Variants in POP1 observed in about 807,000 individuals in gnomAD.
The protein encoded by POP1 is ribonucleases P/MRP protein subunit POP1.
In POP1, 75 loss-of-function variants were observed where a neutral mutation model predicts 102.2. The observed-to-expected ratio is 0.73, with a 90% CI of 0.61 to 0.89. The LOEUF (loss-of-function observed/expected upper bound fraction) is 0.89. POP1 is among the 40% of genes least tolerant of loss of function. The pLI is 0.00. For missense variants in POP1, 1,116 were observed against 1,267.4 expected, an observed-to-expected ratio of 0.88 and a Z score of 1.81; for synonymous variants, 436 against 464.1, an observed-to-expected ratio of 0.94 and a Z score of 0.78.
chr8:98,136,633 A>G lies in POP1; in HGVS notation c.1163A>G (p.Asp388Gly). Residue 388 changes from aspartate to glycine, a missense_variant, in exon 8 of 16, where the codon GAT (aspartate) becomes GGT (glycine). Asp to Gly is a moderately conservative substitution (Grantham distance 94). Transcript: ENST00000401707. ...ATTGGCAAGAAAAGAAAAAGGAAAG[A>G]TGATGGAGAAAATGCTAAACCAATT... is the stretch of plus-strand genomic sequence containing the variant. ...EKIGKKRKRK[D>G]DGENAKPIKK... The G allele has an allele frequency of 6.2e-7, 1 of 1,614,042 alleles. No homozygotes were observed. Among genetic ancestry groups the G allele is most frequent in the Non-Finnish European group, 8.5e-7 (1 of 1,179,930 alleles).
In POP1 at chr8:98,141,820, A is replaced by G. The variant is rs554902189; in HGVS notation, c.1594+932A>G. 1.7e-4 allele frequency among the ~76,000 whole-genome samples: 25 copies of G among 150,226 alleles called. No individual in the cohort carries two copies. In the South Asian group the frequency reaches 4.9e-3, roughly 29 times the overall value. ...TGACCTCAGGTGATCCACCCACTTC[A>G]GCCTCCCAAAGTGCTGGGATTACAG... On this transcript the variant is annotated intron_variant, in intron 11 of 15. Coordinates refer to ENST00000401707, the MANE Select transcript of POP1 (RefSeq NM_001145860.2).
At chr8:98,122,905 A>C (rs1028368084) in intron 1 of POP1, among the ~76,000 whole-genome samples, 6 of 152,188 alleles carry the variant, frequency 3.9e-5, no homozygotes, top group Non-Finnish European at 8.8e-5. Context: ...TCTTGCTTCA[A>C]ATTGAAATCA....
At position 98,157,818 on chromosome 8, in the gene POP1, G is replaced by T. The variant is rs982235449; in HGVS notation, c.2622G>T (p.Met874Ile). The change falls in exon 16 of 16, where the codon ATG becomes ATT. Residue 874 changes from methionine (M) to isoleucine (I), a missense_variant. Transcript: ENST00000401707. Reference protein sequence around the residue: ...LSKGSPEPHTMICVPAKEDFL... With the variant: ...LSKGSPEPHTIICVPAKEDFL... Reference sequence around the variant, plus strand: ...AGGGCAGCCCCGAGCCTCACACCATGATCTGTGTCCCAGCCAAGGAGGACT... The same window carrying T: ...AGGGCAGCCCCGAGCCTCACACCATTATCTGTGTCCCAGCCAAGGAGGACT... 2 of 1,614,230 alleles carry T rather than the reference G, an allele frequency of 1.2e-6. No individual in the cohort carries two copies. Among genetic ancestry groups the T allele is most frequent in the Non-Finnish European group, 1.7e-6 (2 of 1,180,042 alleles).
chr8:98,136,712 C>A lies in POP1; in HGVS notation c.1242C>A (p.Ile414=). Reference sequence around the variant, plus strand: ...ATCCATGTCTACCATACTCTTGGATCTCTCCAACCACAGGCATTATAATCA... The same window carrying A: ...ATCCATGTCTACCATACTCTTGGATATCTCCAACCACAGGCATTATAATCA... ...TRDPCLPYSW[I]SPTTGIIISD... is the part of the protein sequence containing the mutation. The change falls in exon 8 of 16, where the codon ATC becomes ATA. Residue 414 remains isoleucine (I), a synonymous_variant. Transcript: ENST00000401707. The A allele has an allele frequency of 6.2e-7, 1 of 1,613,958 alleles. No individual in the cohort carries two copies. The highest frequency in any genetic ancestry group is 8.5e-7 in the Non-Finnish European group (1 of 1,179,804).
chr8:98,143,618 C>T (rs62522189), intron 11 of POP1, among the ~76,000 whole-genome samples: 19,286 of 152,064 alleles, frequency 0.13, 1,328 homozygotes, highest in Middle Eastern at 0.26. Flanking sequence ...TATACTCTTA[C>T]CGATTTTGAC....
intron 14 of POP1, among the ~76,000 whole-genome samples, chr8:98,151,270 C>T (rs556735632): frequency 5.3e-5 from 8 of 152,004 alleles, no homozygotes; most frequent in South Asian, 2.1e-4. Context: ...TCTGTAGAGA[C>T]GGGGTTTCAC....
rs1468083394 is a variant in POP1 at position 98,117,398 on chromosome 8, G to A, written c.-3+8G>A. ...CCTCACAGCGTCTGGCAGGTTGGTCGTGAGGGGCTGGTGCCTTCCAGGATG... is the reference window on the plus strand; with the variant it reads ...CCTCACAGCGTCTGGCAGGTTGGTCATGAGGGGCTGGTGCCTTCCAGGATG... On this transcript the variant is annotated splice_region_variant and intron_variant, in intron 1 of 15. Coordinates refer to ENST00000401707, the MANE Select transcript of POP1 (RefSeq NM_001145860.2). 4.9e-6 allele frequency: 2 copies of A among 411,092 alleles called. No individual in the cohort carries two copies. Among genetic ancestry groups the A allele is most frequent in the Non-Finnish European group, 9.0e-6 (2 of 222,272 alleles). The allele number at this position is 411,092 out of a possible 1,614,324, so 25.5% of individuals were successfully genotyped here. A position where few individuals can be genotyped will look rare whatever the true frequency, so the allele number is the denominator to read the frequency against.
chr8:98,121,928 G>T (rs1335326355), intron 1 of POP1, among the ~76,000 whole-genome samples: 3 of 151,804 alleles, frequency 2.0e-5, no homozygotes, highest in African/African-American at 7.3e-5. Context: ...CTCATGATCC[G>T]CCCGCCTCAG....
Position 98,158,054 on chromosome 8 carries a change from C to T in POP1, c.2858C>T (p.Pro953Leu), listed in dbSNP as rs761103255. ...CTAGGGCTGTGGTCAGGCCCTCTGCCGCGTGTGACGTTGCACTGCTCCAGA... is the reference window on the plus strand; with the variant it reads ...CTAGGGCTGTGGTCAGGCCCTCTGCTGCGTGTGACGTTGCACTGCTCCAGA... ...LTLGLWSGPLPRVTLHCSRTL... is the reference protein window; with the variant it reads ...LTLGLWSGPLLRVTLHCSRTL... The change falls in exon 16 of 16, where the codon CCG becomes CTG. Residue 953 changes from proline to leucine, a missense_variant. Physicochemically the swap from Pro to Leu is moderately conservative, Grantham distance 98. Transcript: ENST00000401707. 24 of 1,609,712 alleles carry T rather than the reference C, an allele frequency of 1.5e-5. No individual in the cohort carries two copies. The highest frequency in any genetic ancestry group is 1.5e-4 in the African/African-American group (11 of 74,878).
chr8:98,146,520 C>T, intron 11 of POP1, 48 bp from the exon 12 acceptor site: 1 of 1,360,760 alleles, frequency 7.3e-7, no homozygotes, highest in Non-Finnish European at 1.1e-6. Context: ...AGTTTGACTT[C>T]ATTGATCTGA....
intron 11 of POP1, among the ~76,000 whole-genome samples, chr8:98,145,277 A>G (rs180833057): frequency 6.0e-4 from 91 of 152,264 alleles, no homozygotes; most frequent in African/African-American, 2.1e-3. Flanking sequence ...CTGTCACACT[A>G]TGGCCCAGTT....
Position 98,158,129 on chromosome 8 carries a change from G to C in POP1, c.2933G>C (p.Cys978Ser), listed in dbSNP as rs1489471731. 1.9e-6 allele frequency: 3 copies of C among 1,607,224 alleles called. No homozygotes were observed. The highest frequency in any genetic ancestry group is 4.5e-5 in the East Asian group (2 of 44,810). ...TQGDFSMAVGCGEALGFVSLT... is the reference protein window; with the variant it reads ...TQGDFSMAVGSGEALGFVSLT... ...GGAGATTTTTCCATGGCTGTTGGCT[G>C]TGGAGAAGCCCTGGGGTTTGTTAGC... Residue 978 changes from cysteine to serine, a missense_variant, in exon 16 of 16, where the codon TGT (cysteine) becomes TCT (serine). Transcript: ENST00000401707.
chr8:98,152,091 A>T (rs976068984), intron 14 of POP1, among the ~76,000 whole-genome samples: 1 of 152,158 alleles, frequency 6.6e-6, no homozygotes, highest in African/African-American at 2.4e-5. Flanking sequence ...CTAGTGATGT[A>T]TTCCTGGATT....
intron 1 of POP1, chr8:98,118,012 T>C (rs1279243790): frequency 6.7e-6 from 1 of 150,368 alleles, no homozygotes; most frequent in Non-Finnish European, 1.5e-5. Context: ...GGCACTCTGC[T>C]AGATGCTAGG....
At chr8:98,137,836 T>C (rs1816591461) in intron 9 of POP1, among the ~76,000 whole-genome samples, 2 of 152,218 alleles carry the variant, frequency 1.3e-5, no homozygotes, top group African/African-American at 4.8e-5. Context: ...TATTGGCAAG[T>C]GGCTAGCATA....
At chr8:98,118,545 C>T (rs1302578351) in intron 1 of POP1, among the ~76,000 whole-genome samples, 1 of 152,142 alleles carries the variant, frequency 6.6e-6, no homozygotes, top group Non-Finnish European at 1.5e-5. Context: ...CCAGCCTGAG[C>T]ATCTCAAGTA....
intron 11 of POP1, among the ~76,000 whole-genome samples, chr8:98,143,353 A>T (rs918055117): frequency 1.2e-4 from 18 of 152,230 alleles, no homozygotes; most frequent in African/African-American, 4.1e-4. Flanking sequence ...TTGTAAATAG[A>T]CTTTATTATT....
At position 98,130,024 on chromosome 8, in the gene POP1, G is replaced by A; in HGVS notation, c.533G>A (p.Cys178Tyr). 6.2e-7 allele frequency: 1 copy of A among 1,613,968 alleles called. No homozygotes were observed. The highest frequency in any genetic ancestry group is 8.5e-7 in the Non-Finnish European group (1 of 1,179,874). ...AAAAAAGAACATTCAAAAAATAAATGCCATAAAGCTCGAAGATGTCACATG... is the reference window on the plus strand; with the variant it reads ...AAAAAAGAACATTCAAAAAATAAATACCATAAAGCTCGAAGATGTCACATG... ...HQKKEHSKNK[C>Y]HKARRCHMNR... is the part of the protein sequence containing the mutation. Residue 178 changes from cysteine to tyrosine, a missense_variant, in exon 5 of 16, where the codon TGC (cysteine) becomes TAC (tyrosine). By Grantham distance (194) the Cys-to-Tyr change is radical. Transcript: ENST00000401707.
At position 98,158,285 on chromosome 8, in the gene POP1, T is replaced by C. The variant is rs766674051; in HGVS notation, c.*14T>C. The C allele has an allele frequency of 2.5e-6, 4 of 1,605,278 alleles. No individual in the cohort carries two copies. The highest frequency in any genetic ancestry group is 2.5e-6 in the Non-Finnish European group (3 of 1,179,946). The stretch of plus-strand genomic sequence containing the variant: ...ATTGAGGTGTGAATGCGTGCTTGTA[T>C]CCCAGCAGGGCATAGATAATACGTT... On this transcript the variant is annotated 3_prime_UTR_variant, in exon 16 of 16. Coordinates refer to ENST00000401707, the MANE Select transcript of POP1 (RefSeq NM_001145860.2).
Sources: gnomAD v4.1 joint callset for allele counts (sites outside exome capture counted in the v4.1 genomes callset) on GRCh38, gnomAD v4.1.1 for gene constraint, MANE v1.5 for transcripts, NCBI Gene and HGNC (gene_info 2026-07-23, HGNC 2026-07-21) for gene names.